MAP4K4: variants seen among roughly 807,000 people sequenced by gnomAD.
The protein encoded by MAP4K4 is HPK/GCK-like kinase HGK.
Under a neutral mutation model 189.6 loss-of-function variants are expected in MAP4K4, and 38 were observed. The observed-to-expected ratio is 0.20, with a 90% CI of 0.15 to 0.26. The LOEUF (loss-of-function observed/expected upper bound fraction) is 0.26, where lower values mean the gene tolerates loss of function less well. MAP4K4 is among the 10% of genes least tolerant of loss of function. The pLI is 1.00. For missense variants in MAP4K4, 1,054 were observed against 1,726.9 expected (o/e 0.61, Z 6.91); for synonymous variants, 610 against 624.3 (o/e 0.98, Z 0.34).
At chr2:101,816,034 C>G (rs1345207318) in intron 3 of MAP4K4, among the ~76,000 whole-genome samples, 1 of 152,180 alleles carries the variant, frequency 6.6e-6, no homozygotes, top group African/African-American at 2.4e-5. Context: ...TCCCCAGACT[C>G]AGTTCTGTCT....
intron 27 of MAP4K4, among the ~76,000 whole-genome samples, chr2:101,880,316 C>G (rs1327659558): frequency 6.6e-6 from 1 of 152,170 alleles, no homozygotes; most frequent in Non-Finnish European, 1.5e-5. Flanking sequence ...ATCTGCTTTA[C>G]AGCTTTGTGT....
intron 21 of MAP4K4, 29 bp downstream of exon 21, chr2:101,868,066 TCAGAG>T: frequency 6.2e-7 from 1 of 1,609,624 alleles, no homozygotes; most frequent in Non-Finnish European, 8.5e-7. Flanking sequence ...AAGTTCCACT[TCAGAG>T]CAGCACTCCG....
chr2:101,761,704 C>T (rs762259313), intron 2 of MAP4K4, among the ~76,000 whole-genome samples: 13 of 151,888 alleles, frequency 8.6e-5, no homozygotes, highest in African/African-American at 1.2e-4. Context: ...TACAGGTGCA[C>T]GCCACCACAC....
chr2:101,863,142 C>T (rs1284591022), intron 16 of MAP4K4, among the ~76,000 whole-genome samples: 1 of 152,116 alleles, frequency 6.6e-6, no homozygotes, highest in African/African-American at 2.4e-5. Flanking sequence ...TTCAGGGAAT[C>T]CATGGTACTG....
chr2:101,814,548 G>T (rs975300774), intron 3 of MAP4K4, among the ~76,000 whole-genome samples: 1 of 152,144 alleles, frequency 6.6e-6, no homozygotes, highest in African/African-American at 2.4e-5. Context: ...ACAATGAAGA[G>T]AATTATTTGA....
intron 12 of MAP4K4, among the ~76,000 whole-genome samples, chr2:101,854,891 A>G (rs937780566): frequency 2.0e-5 from 3 of 152,214 alleles, no homozygotes; most frequent in African/African-American, 7.2e-5. Context: ...ACATTTGGCC[A>G]TTTAAATTAA....
intron 2 of MAP4K4, among the ~76,000 whole-genome samples, chr2:101,751,427 C>T (rs868175507): frequency 6.6e-6 from 1 of 152,204 alleles, no homozygotes; most frequent in Non-Finnish European, 1.5e-5. Flanking sequence ...TGGTTGGGAA[C>T]ACAATAGCTT....
chr2:101,759,185 G>GTTTTAGT (rs559529598), intron 2 of MAP4K4, among the ~76,000 whole-genome samples: 141 of 150,792 alleles, frequency 9.4e-4, no homozygotes, highest in African/African-American at 3.4e-3. Flanking sequence ...TGGGGTTCTT[G>GTTTTAGT]TTTCAGTAGA....
At chr2:101,852,935 A>C (rs997331446) in intron 12 of MAP4K4, among the ~76,000 whole-genome samples, 1 of 152,220 alleles carries the variant, frequency 6.6e-6, no homozygotes. Flanking sequence ...AAGCATGCTC[A>C]CTTCACTCAG....
chr2:101,712,930 TCTCA>T (rs1382172560), intron 2 of MAP4K4, among the ~76,000 whole-genome samples: 1 of 140,290 alleles, frequency 7.1e-6, no homozygotes, highest in Non-Finnish European at 1.5e-5. Flanking sequence ...TGAGACAGAG[TCTCA>T]CTCTGTCACC....
At chr2:101,744,962 C>A (rs1433263168) in intron 2 of MAP4K4, among the ~76,000 whole-genome samples, 1 of 152,126 alleles carries the variant, frequency 6.6e-6, no homozygotes, top group Admixed American at 6.5e-5. Flanking sequence ...GTACTTTTGT[C>A]ATCTATATGG....
intron 26 of MAP4K4, among the ~76,000 whole-genome samples, chr2:101,876,496 T>G (rs529486103): frequency 6.6e-6 from 1 of 152,286 alleles, no homozygotes; most frequent in Non-Finnish European, 1.5e-5. Flanking sequence ...TAAGAAAAGC[T>G]TAAATGTGAG....
chr2:101,875,686 T>C (rs2098181401), intron 26 of MAP4K4, among the ~76,000 whole-genome samples: 1 of 152,250 alleles, frequency 6.6e-6, no homozygotes, highest in African/African-American at 2.4e-5. Context: ...CACACAGATA[T>C]GTGCCCAATT....
intron 2 of MAP4K4, among the ~76,000 whole-genome samples, chr2:101,721,969 C>G (rs996122239): frequency 1.6e-4 from 24 of 152,194 alleles, no homozygotes; most frequent in African/African-American, 5.5e-4. Context: ...GTTGTATTCC[C>G]TAACTCCTGC....
intron 2 of MAP4K4, among the ~76,000 whole-genome samples, chr2:101,781,647 C>T (rs1202232679): frequency 6.6e-6 from 1 of 152,178 alleles, no homozygotes; most frequent in Non-Finnish European, 1.5e-5. Context: ...CCTGGCCTTA[C>T]ACCTCTCATG....
At chr2:101,706,636 T>C (rs2042458571) in intron 2 of MAP4K4, among the ~76,000 whole-genome samples, 1 of 152,218 alleles carries the variant, frequency 6.6e-6, no homozygotes, top group Non-Finnish European at 1.5e-5. Flanking sequence ...TGTTGCAAGA[T>C]AACCTGTTGA....
At chr2:101,827,432 C>G (rs1162995905) in intron 5 of MAP4K4, among the ~76,000 whole-genome samples, 1 of 152,118 alleles carries the variant, frequency 6.6e-6, no homozygotes, top group Non-Finnish European at 1.5e-5. Context: ...GAGAAAGCAG[C>G]ATGATAAACT....
chr2:101,776,322 G>C (rs1293422570), intron 2 of MAP4K4, among the ~76,000 whole-genome samples: 2 of 151,916 alleles, frequency 1.3e-5, no homozygotes, highest in African/African-American at 2.4e-5. Flanking sequence ...CAAGAATATC[G>C]GGCCCGGGCT....
chr2:101,777,781 G>A (rs1254970658), intron 2 of MAP4K4, among the ~76,000 whole-genome samples: 1 of 152,160 alleles, frequency 6.6e-6, no homozygotes, highest in Non-Finnish European at 1.5e-5. Context: ...TTTGTTCACT[G>A]TTGTATCCCT....
Sources: allele counts gnomAD v4.1 joint callset (sites outside exome capture counted in the v4.1 genomes callset), GRCh38; gene constraint gnomAD v4.1.1; transcripts MANE v1.5; gene names NCBI Gene and HGNC (gene_info 2026-07-23, HGNC 2026-07-21).